Variants in AKT3 observed in about 807,000 individuals in gnomAD.
AKT3 encodes AKT serine/threonine kinase 3, also known as RAC-gamma serine/threonine-protein kinase.
In AKT3, 15 loss-of-function variants were observed where a neutral mutation model predicts 65.3. The observed-to-expected ratio is 0.23, with a 90% CI of 0.15 to 0.35. The LOEUF is 0.35. AKT3 is among the 10% of genes least tolerant of loss of function. AKT3 has a pLI of 1.00. For synonymous variants in AKT3, 206 were observed against 183.8 expected (o/e 1.12, Z -0.98); for missense variants, 243 against 576.5 (o/e 0.42, Z 5.92).
At chr1:243,807,725 A>C (rs1692834975) in intron 2 of AKT3, among the ~76,000 whole-genome samples, 1 of 152,252 alleles carries the variant, frequency 6.6e-6, no homozygotes, top group African/African-American at 2.4e-5. Context: ...GAGAACAGAC[A>C]GACTGCCTCC....
At chr1:243,848,077 T>C (rs1400403133) in intron 1 of AKT3, among the ~76,000 whole-genome samples, 2 of 152,176 alleles carry the variant, frequency 1.3e-5, no homozygotes, top group African/African-American at 4.8e-5. Flanking sequence ...AATACACAAC[T>C]GAAAACTAAA....
At chr1:243,633,292 GAC>G (rs1326510439) in intron 6 of AKT3, among the ~76,000 whole-genome samples, 1 of 152,104 alleles carries the variant, frequency 6.6e-6, no homozygotes, top group African/African-American at 2.4e-5. Context: ...AAGGACATTA[GAC>G]AGTCACTTAA....
intron 4 of AKT3, among the ~76,000 whole-genome samples, chr1:243,654,131 TCTCA>T (rs763946127): frequency 6.6e-5 from 10 of 152,150 alleles, no homozygotes; most frequent in South Asian, 2.1e-4. Flanking sequence ...GCCATCATAC[TCTCA>T]CTGTCTTTTT....
intron 6 of AKT3, among the ~76,000 whole-genome samples, chr1:243,621,401 G>C (rs993748914): frequency 1.3e-5 from 2 of 152,076 alleles, no homozygotes; most frequent in Non-Finnish European, 2.9e-5. Context: ...CTCCTCTTCA[G>C]TGGTTGTCTT....
At chr1:243,526,590 T>C (rs1671098946) in intron 12 of AKT3, among the ~76,000 whole-genome samples, 1 of 151,762 alleles carries the variant, frequency 6.6e-6, no homozygotes. Context: ...CAAACAAAAA[T>C]ATCTTGAAAA....
In AKT3 at chr1:243,494,131, T is replaced by G. The variant is rs139296399; in HGVS notation, c.*6+5606A>C. ...AGAACAGCAAATACATTGAATAAAATAAATTAAAAAGCCTCCTCCTGAACC... is the reference window on the plus strand; with the variant it reads ...AGAACAGCAAATACATTGAATAAAAGAAATTAAAAAGCCTCCTCCTGAACC... On this transcript the variant is annotated intron_variant, in intron 13 of 13. Transcript: ENST00000336199. Among the ~76,000 whole-genome samples the G allele has an allele frequency of 3.1e-4, 47 of 152,276 alleles. No individual in the cohort carries two copies. The East Asian group carries it at 8.9e-3, about 29-fold the overall frequency.
downstream of AKT3, chr1:243,499,633 G>C (rs1266896691): frequency 6.4e-6 from 5 of 784,110 alleles, no homozygotes; most frequent in Admixed American, 8.0e-5. Flanking sequence ...CACATTTTTA[G>C]CAACAGGTTT....
intron 2 of AKT3, among the ~76,000 whole-genome samples, chr1:243,767,141 G>C (rs1332489452): frequency 6.6e-6 from 1 of 152,188 alleles, no homozygotes; most frequent in Non-Finnish European, 1.5e-5. Flanking sequence ...ACAGAGTAAG[G>C]ATGGGTTATA....
intron 8 of AKT3, among the ~76,000 whole-genome samples, chr1:243,607,478 TG>T (rs1677514401): frequency 6.6e-6 from 1 of 152,348 alleles, no homozygotes; most frequent in South Asian, 2.1e-4. Flanking sequence ...TCCTTTGTTT[TG>T]GCCAATTTCT....
intron 12 of AKT3, among the ~76,000 whole-genome samples, chr1:243,540,622 C>T (rs906134708): frequency 1.7e-4 from 26 of 152,036 alleles, no homozygotes; most frequent in African/African-American, 6.0e-4. Flanking sequence ...AAGAAATTAA[C>T]ATCAGTGCAA....
At chr1:243,664,617 T>C (rs1232230264) in intron 4 of AKT3, among the ~76,000 whole-genome samples, 155 bp downstream of exon 4, 1 of 152,148 alleles carries the variant, frequency 6.6e-6, no homozygotes, top group Non-Finnish European at 1.5e-5. Context: ...TGTAAGCCAC[T>C]GTTATTCATG....
chr1:243,591,483 C>T (rs1419939781), intron 8 of AKT3, among the ~76,000 whole-genome samples: 2 of 152,014 alleles, frequency 1.3e-5, no homozygotes, highest in African/African-American at 4.8e-5. Context: ...CAGCATCTGA[C>T]AATGTAAAAT....
chr1:243,510,179 T>C (rs1369307526), intron 13 of AKT3, among the ~76,000 whole-genome samples: 2 of 152,196 alleles, frequency 1.3e-5, no homozygotes, highest in Admixed American at 6.5e-5. Flanking sequence ...CCTATCCCAA[T>C]ATCTGCTTTG....
chr1:243,660,452 A>G (rs991824926), intron 4 of AKT3, among the ~76,000 whole-genome samples: 94 of 152,196 alleles, frequency 6.2e-4, no homozygotes, highest in Non-Finnish European at 1.2e-3. Context: ...AGAACCAAAG[A>G]AAAAAACCAC....
At chr1:243,812,491 T>G (rs1468466663) in intron 2 of AKT3, among the ~76,000 whole-genome samples, 2 of 152,202 alleles carry the variant, frequency 1.3e-5, no homozygotes, top group East Asian at 3.9e-4. Flanking sequence ...TCACACCAGT[T>G]AGAATGGCGA....
chr1:243,807,101 T>A (rs906888508), intron 2 of AKT3, among the ~76,000 whole-genome samples: 8 of 152,106 alleles, frequency 5.3e-5, no homozygotes, highest in African/African-American at 1.9e-4. Context: ...CAGATCCCAG[T>A]GTGAGCGACA....
intron 1 of AKT3, among the ~76,000 whole-genome samples, chr1:243,844,569 G>A (rs1454772038): frequency 6.6e-6 from 1 of 152,086 alleles, no homozygotes; most frequent in African/African-American, 2.4e-5. Flanking sequence ...GCCTCCAATG[G>A]GGGTCAAGCA....
chr1:243,564,878 G>A (rs1674040347), intron 9 of AKT3, among the ~76,000 whole-genome samples: 1 of 152,130 alleles, frequency 6.6e-6, no homozygotes, highest in South Asian at 2.1e-4. Flanking sequence ...ACTCCTTAAT[G>A]TGATGACATT....
At chr1:243,646,714 T>A (rs948927054) in intron 4 of AKT3, among the ~76,000 whole-genome samples, 2 of 152,132 alleles carry the variant, frequency 1.3e-5, no homozygotes, top group Non-Finnish European at 2.9e-5. Context: ...AGTGTTTTGC[T>A]TAGCTATTTT....
Sources: allele counts gnomAD v4.1 joint callset (sites outside exome capture counted in the v4.1 genomes callset), GRCh38; gene constraint gnomAD v4.1.1; transcripts MANE v1.5; gene names NCBI Gene and HGNC (gene_info 2026-07-23, HGNC 2026-07-21).